The following ZDHHC9 variants were observed in gnomAD, a reference collection of about 807,000 sequenced individuals.
ZDHHC9 encodes palmitoyltransferase ZDHHC9.
ZDHHC9 carries 3 observed loss-of-function variants against 26.6 expected under a neutral mutation model. That is an observed-to-expected ratio of 0.11 (90% CI 0.05 to 0.29). The LOEUF is 0.29. ZDHHC9 is among the 10% of genes least tolerant of loss of function. The pLI, the probability that ZDHHC9 is intolerant of heterozygous loss-of-function variation, is 1.00. For missense variants in ZDHHC9, 146 were observed against 296.4 expected (o/e 0.49, Z 3.73); for synonymous variants, 111 against 109.4 (o/e 1.01, Z -0.09).
Position 129,841,997 on chromosome X carries a change from CAG to C in ZDHHC9, c.-54_-53del. Reference sequence around the variant, plus strand: ...TTTTGCGATTACACGAGAGAAGAAACAGAGGCTGAGCCCAGCTTTGAAATCAC... The same window carrying C: ...TTTTGCGATTACACGAGAGAAGAAACAGGCTGAGCCCAGCTTTGAAATCAC... On this transcript the variant is annotated 5_prime_UTR_variant, in exon 3 of 11. An upstream open reading frame in the 5' UTR loses its in-frame stop. Coordinates refer to ENST00000357166, the MANE Select transcript of ZDHHC9 (RefSeq NM_016032.4). 1.7e-6 allele frequency: 2 copies of C among 1,200,941 alleles called. No homozygotes were observed. Among genetic ancestry groups the C allele is most frequent in the Non-Finnish European group, 2.3e-6 (2 of 885,971 alleles).
chrX:129,823,374 TC>T, intron 5 of ZDHHC9: 1 of 302,588 alleles, frequency 3.3e-6, no homozygotes, highest in Non-Finnish European at 5.8e-6. Flanking sequence ...GTAAGGTGGG[TC>T]CCACATGAAA....
intron 10 of ZDHHC9, among the ~76,000 whole-genome samples, chrX:129,806,770 C>G (rs1028360648): frequency 1.6e-4 from 18 of 111,715 alleles, no homozygotes; most frequent in Non-Finnish European, 3.2e-4. Flanking sequence ...TACACAGGTC[C>G]TCCCCACTTC....
At chrX:129,841,676 G>A (rs888908248) in intron 3 of ZDHHC9, 103 bp downstream of exon 3, 11 of 1,037,503 alleles carry the variant, frequency 1.1e-5, no homozygotes, top group South Asian at 5.9e-5. Context: ...TCAAGAGGAC[G>A]TTAAAGTCAT....
intron 8 of ZDHHC9, 80 bp from the exon 9 acceptor site, chrX:129,811,589 C>A: frequency 2.5e-6 from 2 of 786,773 alleles, no homozygotes; most frequent in Admixed American, 3.1e-5. Context: ...AAAACAGACA[C>A]AAAAAAGAAA....
chrX:129,833,852 G>T, intron 3 of ZDHHC9, among the ~76,000 whole-genome samples: 1 of 111,650 alleles, frequency 9.0e-6, no homozygotes, highest in Non-Finnish European at 1.9e-5. Flanking sequence ...CTTTAAGGAA[G>T]AAGGCCCAAG....
At chrX:129,834,293 T>C (rs1602961061) in intron 3 of ZDHHC9, among the ~76,000 whole-genome samples, 1 of 111,592 alleles carries the variant, frequency 9.0e-6, no homozygotes, top group East Asian at 2.8e-4. Context: ...CGATGGTAGT[T>C]TCTTACAGCA....
At chrX:129,809,590 C>T (rs1405124688) in intron 10 of ZDHHC9, among the ~76,000 whole-genome samples, 1 of 111,720 alleles carries the variant, frequency 9.0e-6, no homozygotes, top group Admixed American at 9.5e-5. Context: ...GGGAGAGTGA[C>T]TGCTAATGGC....
At chrX:129,819,913 TCTCAAA>T (rs1452009074) in intron 5 of ZDHHC9, among the ~76,000 whole-genome samples, 1 of 110,152 alleles carries the variant, frequency 9.1e-6, no homozygotes, top group African/African-American at 3.3e-5. Flanking sequence ...CTCAGGCCGG[TCTCAAA>T]CTTCTGGCCT....
chrX:129,817,341 A>G (rs1927779137), intron 5 of ZDHHC9, among the ~76,000 whole-genome samples: 1 of 110,456 alleles, frequency 9.1e-6, no homozygotes, highest in Non-Finnish European at 1.9e-5. Flanking sequence ...AATCCCAGCC[A>G]ATCACGAGGC....
At chrX:129,819,692 A>ATTATTTAT (rs201812639) in intron 5 of ZDHHC9, among the ~76,000 whole-genome samples, 6 of 109,443 alleles carry the variant, frequency 5.5e-5, no homozygotes, top group East Asian at 2.9e-4. Context: ...CGAATGTCCT[A>ATTATTTAT]TTATTTATTT....
intron 3 of ZDHHC9, among the ~76,000 whole-genome samples, chrX:129,840,003 A>C (rs1928345002): frequency 9.0e-6 from 1 of 111,657 alleles, no homozygotes; most frequent in Admixed American, 9.5e-5. Flanking sequence ...CATGGTAGAA[A>C]ACTCAACCTG....
chrX:129,827,351 C>T (rs1602956261), intron 4 of ZDHHC9, among the ~76,000 whole-genome samples: 1 of 110,068 alleles, frequency 9.1e-6, no homozygotes, highest in African/African-American at 3.3e-5. Flanking sequence ...TTCAAAGCAC[C>T]GTCAAAGAAC....
At chrX:129,825,122 G>A (rs777106791) in intron 4 of ZDHHC9, among the ~76,000 whole-genome samples, 3 of 111,037 alleles carry the variant, frequency 2.7e-5, no homozygotes, top group Non-Finnish European at 5.7e-5. Flanking sequence ...GGCCAACATG[G>A]CAAAACCCCG....
At chrX:129,807,302 C>T (rs1031591447) in intron 10 of ZDHHC9, among the ~76,000 whole-genome samples, 3 of 107,698 alleles carry the variant, frequency 2.8e-5, no homozygotes, top group Non-Finnish European at 3.8e-5. Flanking sequence ...AAACATTAGC[C>T]GGGCGCGGTG....
intron 3 of ZDHHC9, among the ~76,000 whole-genome samples, chrX:129,836,097 G>A (rs1331917750): frequency 1.8e-5 from 2 of 111,261 alleles, no homozygotes; most frequent in Non-Finnish European, 3.8e-5. Context: ...TCTCACATAA[G>A]GATGCTCTTC....
At chrX:129,831,115 C>A (rs1273057110) in intron 3 of ZDHHC9, among the ~76,000 whole-genome samples, 1 of 111,390 alleles carries the variant, frequency 9.0e-6, no homozygotes, top group East Asian at 2.8e-4. Flanking sequence ...CTATTTTCCA[C>A]TACTCCTTTT....
At position 129,814,692 on chromosome X, in the gene ZDHHC9, A is replaced by G. The variant is rs1927719331; in HGVS notation, c.591T>C (p.Tyr197=). 1 of 1,211,339 alleles carries G rather than the reference A, an allele frequency of 8.3e-7. No individual in the cohort carries two copies. The highest frequency in any genetic ancestry group is 1.1e-6 in the Non-Finnish European group (1 of 895,372). ...FILSLSLLTI[Y]VFAFNIVYVA... Reference sequence around the variant, plus strand: ...CATAGACGATGTTGAAGGCGAAGACATAGATTGTGAGGAGGGAGAGAGAAA... The same window carrying G: ...CATAGACGATGTTGAAGGCGAAGACGTAGATTGTGAGGAGGGAGAGAGAAA... Residue 197 remains tyrosine (Y), a synonymous_variant, in exon 6 of 11, where the codon TAT becomes TAC. Coordinates refer to ENST00000357166, the MANE Select transcript of ZDHHC9 (RefSeq NM_016032.4).
chrX:129,828,836 G>A lies in ZDHHC9; in HGVS notation c.328+145C>T, dbSNP rs16999570. On this transcript the variant is annotated intron_variant, in intron 4 of 10. Coordinates refer to ENST00000357166, the MANE Select transcript of ZDHHC9 (RefSeq NM_016032.4). ...GCTAGACCTGCATTACTAAATTCAC[G>A]GGGTAGTCATGATCTCAGATTCAGG... 0.015 allele frequency: 11,997 copies of A among 785,777 alleles called. 852 individuals are homozygous for A. The African/African-American group carries it at 0.21, about 14-fold the overall frequency. The allele number at this position is 785,777 out of a possible 1,213,427, so 64.8% of individuals were successfully genotyped here.
chrX:129,807,935 T>G (rs1212219115), intron 10 of ZDHHC9, among the ~76,000 whole-genome samples: 1 of 111,845 alleles, frequency 8.9e-6, no homozygotes, highest in African/African-American at 3.3e-5. Context: ...AAGTGAAAAA[T>G]CCAAAAATGA....
Sources: gnomAD v4.1 joint callset for allele counts (sites outside exome capture counted in the v4.1 genomes callset) on GRCh38, gnomAD v4.1.1 for gene constraint, MANE v1.5 for transcripts, NCBI Gene and HGNC (gene_info 2026-07-23, HGNC 2026-07-21) for gene names.